Variants in LUZP2 observed in about 807,000 individuals in gnomAD.
The protein encoded by LUZP2 is leucine zipper protein 2.
A neutral mutation model predicts 51.6 loss-of-function variants in LUZP2; 52 were observed. That is an observed-to-expected ratio of 1.01 (90% confidence interval 0.81 to 1.27). LUZP2 has a LOEUF of 1.27. Ranked by LOEUF, LUZP2 falls within the 50% of genes most tolerant of loss-of-function variation. LUZP2 has a pLI of 0.00. For missense variants in LUZP2, 436 were observed against 395.4 expected, an observed-to-expected ratio of 1.10 and a Z score of -0.87; for synonymous variants, 154 against 137.3, an observed-to-expected ratio of 1.12 and a Z score of -0.85.
At chr11:25,021,389 G>A (rs530122389) in intron 9 of LUZP2, among the ~76,000 whole-genome samples, 16 of 151,710 alleles carry the variant, frequency 1.1e-4, no homozygotes, top group Non-Finnish European at 2.1e-4. Flanking sequence ...AAGTAGTGCA[G>A]GACACAAAAT....
chr11:25,073,043 T>C (rs1859200503), intron 10 of LUZP2, among the ~76,000 whole-genome samples: 1 of 151,972 alleles, frequency 6.6e-6, no homozygotes, highest in Non-Finnish European at 1.5e-5. Context: ...TATACACACT[T>C]TAAAAAGGGG....
intron 1 of LUZP2, among the ~76,000 whole-genome samples, chr11:24,541,393 G>A (rs932441438): frequency 2.6e-5 from 4 of 151,924 alleles, no homozygotes; most frequent in African/African-American, 9.7e-5. Flanking sequence ...ACATAATTTG[G>A]CACTGTGTCC....
chr11:24,729,742 C>T (rs900548573), intron 2 of LUZP2, among the ~76,000 whole-genome samples: 1 of 151,820 alleles, frequency 6.6e-6, no homozygotes, highest in Non-Finnish European at 1.5e-5. Flanking sequence ...ATACTGAAAT[C>T]TTTAAAAAAT....
chr11:24,549,727 C>A (rs886555107), intron 1 of LUZP2, among the ~76,000 whole-genome samples: 5 of 151,934 alleles, frequency 3.3e-5, no homozygotes, highest in African/African-American at 1.2e-4. Flanking sequence ...TCGTATATTC[C>A]ATCTTTTATT....
At chr11:24,896,504 G>A (rs887550860) in intron 5 of LUZP2, among the ~76,000 whole-genome samples, 4 of 152,096 alleles carry the variant, frequency 2.6e-5, no homozygotes, top group Admixed American at 6.5e-5. Flanking sequence ...TCAAATTCTC[G>A]CCAGGCCTCA....
intron 1 of LUZP2, 143 bp from the exon 2 acceptor site, chr11:24,729,026 T>A (rs72884424): frequency 0.019 from 8,927 of 463,764 alleles, 116 homozygotes; most frequent in Admixed American, 0.034. Context: ...TCCCCTTTTA[T>A]ATGAAATCAT....
chr11:24,513,012 C>A (rs978294001), intron 1 of LUZP2, among the ~76,000 whole-genome samples: 7 of 152,314 alleles, frequency 4.6e-5, no homozygotes, highest in Middle Eastern at 3.4e-3. Context: ...CCCGCCTCGG[C>A]CTCCCAAAGT....
In LUZP2 at chr11:24,997,118, C is replaced by A. The variant is rs927968576; in HGVS notation, c.765+13825C>A. On this transcript the variant is annotated intron_variant, in intron 9 of 11. Transcript: ENST00000336930. ...CTTTATAGCAGCATGATTTATAGTC[C>A]TTTGGGTATATACCCAGTAATGGGA... is the stretch of plus-strand genomic sequence containing the variant. 4.0e-5 allele frequency among the ~76,000 whole-genome samples: 6 copies of A among 150,218 alleles called. No individual in the cohort carries two copies. In the Admixed American group the frequency reaches 4.0e-4, roughly 10 times the overall value.
chr11:24,741,481 T>G (rs894993579), intron 4 of LUZP2, among the ~76,000 whole-genome samples: 2 of 151,948 alleles, frequency 1.3e-5, no homozygotes, highest in Non-Finnish European at 2.9e-5. Context: ...AGGAAATTCT[T>G]TAGTGATTTG....
intron 7 of LUZP2, among the ~76,000 whole-genome samples, chr11:24,918,394 G>C (rs986003094): frequency 1.3e-5 from 2 of 152,054 alleles, no homozygotes; most frequent in South Asian, 2.1e-4. Context: ...TGGTGAGAGA[G>C]GCCATCCCTC....
chr11:24,702,543 A>G (rs1174583139), intron 1 of LUZP2, among the ~76,000 whole-genome samples: 1 of 152,160 alleles, frequency 6.6e-6, no homozygotes, highest in Non-Finnish European at 1.5e-5. Flanking sequence ...ACATTGTCAT[A>G]TGGTGAGAGC....
intron 1 of LUZP2, among the ~76,000 whole-genome samples, chr11:24,689,887 T>C (rs560736573): frequency 6.6e-6 from 1 of 152,270 alleles, no homozygotes; most frequent in South Asian, 2.1e-4. Flanking sequence ...AAATTCTTAC[T>C]TCTCAACCCC....
chr11:24,640,149 G>T (rs991534058), intron 1 of LUZP2, among the ~76,000 whole-genome samples: 2 of 151,724 alleles, frequency 1.3e-5, no homozygotes, highest in Non-Finnish European at 2.9e-5. Context: ...AACAACTCTG[G>T]GTTGTAAGTG....
rs1029760184 is a variant in LUZP2, at chr11:24,996,364, C to T, written c.765+13071C>T. 6.6e-5 allele frequency among the ~76,000 whole-genome samples: 10 copies of T among 151,454 alleles called. No homozygotes were observed. In the East Asian group the frequency reaches 1.9e-3, roughly 29 times the overall value. The stretch of plus-strand genomic sequence containing the variant: ...TGTAAAACAGATTCAACTCTCAAGG[C>T]ATGTTTTTAAATTTTCTAGAATGGA... On this transcript the variant is annotated intron_variant, in intron 9 of 11. Transcript: ENST00000336930.
intron 5 of LUZP2, among the ~76,000 whole-genome samples, chr11:24,816,512 TTAA>T (rs2134147952): frequency 6.6e-6 from 1 of 152,146 alleles, no homozygotes; most frequent in South Asian, 2.1e-4. Flanking sequence ...TTGATCTCAT[TTAA>T]TAATACCAAT....
chr11:24,896,432 T>G (rs10082639), intron 5 of LUZP2, among the ~76,000 whole-genome samples: 5 of 152,122 alleles, frequency 3.3e-5, no homozygotes, highest in African/African-American at 1.2e-4. Flanking sequence ...GCTTAGCACC[T>G]GGGCCAGCAG....
intron 5 of LUZP2, among the ~76,000 whole-genome samples, chr11:24,874,441 G>A (rs1852183603): frequency 6.6e-6 from 1 of 152,118 alleles, no homozygotes; most frequent in African/African-American, 2.4e-5. Context: ...TCAGAGTCAG[G>A]TGATGAGCCC....
chr11:24,735,337 T>A (rs1371829374), intron 3 of LUZP2, among the ~76,000 whole-genome samples: 2 of 151,804 alleles, frequency 1.3e-5, no homozygotes, highest in Non-Finnish European at 2.9e-5. Flanking sequence ...AACCATACCA[T>A]GCCAGGACTG....
chr11:24,665,110 C>G, intron 1 of LUZP2, among the ~76,000 whole-genome samples: 1 of 152,168 alleles, frequency 6.6e-6, no homozygotes, highest in Non-Finnish European at 1.5e-5. Context: ...CAGAGCTGCT[C>G]AAGACAGAGA....
Sources: allele counts gnomAD v4.1 joint callset (sites outside exome capture counted in the v4.1 genomes callset), GRCh38; gene constraint gnomAD v4.1.1; transcripts MANE v1.5; gene names NCBI Gene and HGNC (gene_info 2026-07-23, HGNC 2026-07-21).